MSRB3: variants seen among roughly 807,000 people sequenced by gnomAD.
MSRB3 encodes methionine-R-sulfoxide reductase B3.
Under a neutral mutation model 21.0 loss-of-function variants are expected in MSRB3, and 13 were observed. The observed-to-expected ratio is 0.62, with a 90% CI of 0.40 to 0.98. MSRB3 has a LOEUF of 0.98. MSRB3 is among the 50% of genes least tolerant of loss of function. MSRB3 has a pLI of 0.00. For synonymous variants in MSRB3, 87 were observed against 88.6 expected (o/e 0.98, Z 0.10); for missense variants, 199 against 230.3 (o/e 0.86, Z 0.88).
intron 5 of MSRB3, among the ~76,000 whole-genome samples, chr12:65,444,324 C>T (rs1468547596): frequency 6.6e-6 from 1 of 151,994 alleles, no homozygotes; most frequent in East Asian, 1.9e-4. Flanking sequence ...TTTGGTGGAC[C>T]ACAAGATAAT....
At chr12:65,358,819 A>G (rs981279852) in intron 4 of MSRB3, among the ~76,000 whole-genome samples, 2 of 151,884 alleles carry the variant, frequency 1.3e-5, no homozygotes, top group Non-Finnish European at 2.9e-5. Context: ...GGTTATCCTT[A>G]TATCTTTCAA....
chr12:65,411,440 T>C (rs1353196351), intron 5 of MSRB3, among the ~76,000 whole-genome samples: 4 of 152,202 alleles, frequency 2.6e-5, no homozygotes, highest in African/African-American at 9.7e-5. Context: ...TGCTACCCAT[T>C]ATACTCAGAT....
intron 5 of MSRB3, among the ~76,000 whole-genome samples, chr12:65,427,132 T>A (rs1301466362): frequency 6.6e-6 from 1 of 152,210 alleles, no homozygotes; most frequent in African/African-American, 2.4e-5. Context: ...CTTATGTTAA[T>A]CTTTGCACAT....
chr12:65,421,980 A>T (rs2136645098), intron 5 of MSRB3, among the ~76,000 whole-genome samples: 1 of 152,328 alleles, frequency 6.6e-6, no homozygotes, highest in South Asian at 2.1e-4. Context: ...TTTCTTCAAG[A>T]GACCCATCTA....
chr12:65,386,109 G>A (rs1226115439), intron 5 of MSRB3, among the ~76,000 whole-genome samples: 1 of 151,744 alleles, frequency 6.6e-6, no homozygotes, highest in Non-Finnish European at 1.5e-5. Flanking sequence ...GTTAACTCCT[G>A]TTTAAACTTA....
At chr12:65,396,704 A>AAAGAAAGAAAGAAAGAAAG (rs1555209338) in intron 5 of MSRB3, among the ~76,000 whole-genome samples, 2 of 54,152 alleles carry the variant, frequency 3.7e-5, no homozygotes, top group Non-Finnish European at 7.3e-5. Context: ...AAAAAAAAAA[A>AAAGAAAGAAAGAAAGAAAG]AAAGAAAGAA....
At chr12:65,455,244 TAAA>T (rs67490305) in intron 6 of MSRB3, among the ~76,000 whole-genome samples, 10 of 140,556 alleles carry the variant, frequency 7.1e-5, no homozygotes, top group Non-Finnish European at 9.3e-5. Context: ...TTGTTTTTAT[TAAA>T]AAAAAAAAAA....
intron 5 of MSRB3, among the ~76,000 whole-genome samples, chr12:65,387,880 G>T (rs968904109): frequency 1.3e-5 from 2 of 151,994 alleles, no homozygotes; most frequent in Non-Finnish European, 2.9e-5. Context: ...ATTGTAATTA[G>T]TGTATGTCAG....
intron 4 of MSRB3, among the ~76,000 whole-genome samples, chr12:65,343,432 A>G (rs1047705178): frequency 3.9e-5 from 6 of 152,044 alleles, no homozygotes; most frequent in Non-Finnish European, 5.9e-5. Context: ...ACACTGTCCT[A>G]TTCCCAGAAG....
At chr12:65,334,720 C>T (rs1875648645) in intron 4 of MSRB3, among the ~76,000 whole-genome samples, 1 of 152,124 alleles carries the variant, frequency 6.6e-6, no homozygotes, top group Admixed American at 6.5e-5. Flanking sequence ...TAGGGAAGTC[C>T]CTTGGAATCC....
At chr12:65,423,030 T>C (rs1434165022) in intron 5 of MSRB3, among the ~76,000 whole-genome samples, 1 of 150,672 alleles carries the variant, frequency 6.6e-6, no homozygotes. Context: ...TGGTGCAATC[T>C]TGGCTCACTG....
At chr12:65,431,887 A>G (rs1296809259) in intron 5 of MSRB3, among the ~76,000 whole-genome samples, 1 of 152,090 alleles carries the variant, frequency 6.6e-6, no homozygotes, top group Admixed American at 6.6e-5. Flanking sequence ...TGGATGTGCT[A>G]TTTGGCTACA....
At chr12:65,404,987 A>T (rs1880332328) in intron 5 of MSRB3, among the ~76,000 whole-genome samples, 1 of 150,448 alleles carries the variant, frequency 6.6e-6, no homozygotes, top group African/African-American at 2.5e-5. Context: ...ACAGAGTCTC[A>T]GTCTGTTGCC....
At chr12:65,330,797 T>C (rs1271448895) in intron 4 of MSRB3, among the ~76,000 whole-genome samples, 1 of 152,186 alleles carries the variant, frequency 6.6e-6, no homozygotes, top group African/African-American at 2.4e-5. Flanking sequence ...TTGGCAAGGC[T>C]CCTGGCACAG....
At chr12:65,406,059 A>G (rs1880397747) in intron 5 of MSRB3, among the ~76,000 whole-genome samples, 8 of 151,964 alleles carry the variant, frequency 5.3e-5, no homozygotes, top group Admixed American at 5.2e-4. Context: ...TTTTCTGTGC[A>G]GGAGCTTTTT....
chr12:65,314,024 A>G (rs574056876), intron 2 of MSRB3, among the ~76,000 whole-genome samples: 2 of 152,292 alleles, frequency 1.3e-5, no homozygotes, highest in South Asian at 2.1e-4. Context: ...ATATGGATTT[A>G]TAATCCACAA....
At chr12:65,385,302 G>T (rs1476899825) in intron 5 of MSRB3, among the ~76,000 whole-genome samples, 2 of 151,990 alleles carry the variant, frequency 1.3e-5, no homozygotes, top group Admixed American at 1.3e-4. Context: ...TTTTCTGATT[G>T]TTTCTGCTTA....
chr12:65,350,301 TG>T (rs1325888797), intron 4 of MSRB3, among the ~76,000 whole-genome samples: 2 of 151,922 alleles, frequency 1.3e-5, no homozygotes, highest in African/African-American at 4.8e-5. Flanking sequence ...CATGCTGTTT[TG>T]GTTACTGTAG....
chr12:65,381,595 T>A (rs1400315592), intron 5 of MSRB3, among the ~76,000 whole-genome samples: 5 of 152,122 alleles, frequency 3.3e-5, no homozygotes, highest in Non-Finnish European at 7.4e-5. Flanking sequence ...AAAAATCCTT[T>A]AAAATGATAA....
Sources: gnomAD v4.1 joint callset for allele counts (sites outside exome capture counted in the v4.1 genomes callset) on GRCh38, gnomAD v4.1.1 for gene constraint, MANE v1.5 for transcripts, NCBI Gene and HGNC (gene_info 2026-07-23, HGNC 2026-07-21) for gene names.